ST6GALNAC5: variants seen among roughly 807,000 people sequenced by gnomAD.
ST6GALNAC5 encodes alpha-N-acetylgalactosaminide alpha-2,6-sialyltransferase 5.
A neutral mutation model predicts 33.6 loss-of-function variants in ST6GALNAC5; 27 were observed. The observed-to-expected ratio is 0.80, with a 90% confidence interval of 0.59 to 1.11. ST6GALNAC5 has a LOEUF of 1.11. Among genes scored for constraint, ST6GALNAC5 ranks in the 50% least tolerant of loss-of-function variants. The pLI is 0.00. For missense variants in ST6GALNAC5, 428 were observed against 454.0 expected (o/e 0.94, Z 0.52); for synonymous variants, 194 against 171.2 (o/e 1.13, Z -1.04).
At chr1:76,948,966 T>C (rs141023364) in intron 2 of ST6GALNAC5, among the ~76,000 whole-genome samples, 1 of 152,146 alleles carries the variant, frequency 6.6e-6, no homozygotes, top group Non-Finnish European at 1.5e-5. Context: ...GTGCCAAGTC[T>C]TGTACTAACT....
At chr1:76,942,633 G>A (rs570429501) in intron 2 of ST6GALNAC5, among the ~76,000 whole-genome samples, 1 of 152,200 alleles carries the variant, frequency 6.6e-6, no homozygotes, top group South Asian at 2.1e-4. Flanking sequence ...GGCTGACTCT[G>A]GAGTTGGTGT....
intron 2 of ST6GALNAC5, among the ~76,000 whole-genome samples, chr1:76,922,538 T>C (rs1557724099): frequency 6.6e-6 from 1 of 152,176 alleles, no homozygotes; most frequent in African/African-American, 2.4e-5. Context: ...CAAGAATGCC[T>C]GAAATGATCT....
intron 2 of ST6GALNAC5, among the ~76,000 whole-genome samples, chr1:76,942,061 C>T (rs2100325904): frequency 6.6e-6 from 1 of 152,168 alleles, no homozygotes; most frequent in Non-Finnish European, 1.5e-5. Context: ...GACATGAAAT[C>T]ACTAGGCGGA....
At chr1:76,918,248 A>G (rs1570671574) in intron 2 of ST6GALNAC5, among the ~76,000 whole-genome samples, 1 of 152,140 alleles carries the variant, frequency 6.6e-6, no homozygotes, top group East Asian at 1.9e-4. Context: ...TCAGGAAAAG[A>G]AGAGATCTCT....
chr1:76,900,252 A>G (rs1015494748), intron 2 of ST6GALNAC5, among the ~76,000 whole-genome samples: 4 of 152,142 alleles, frequency 2.6e-5, no homozygotes, highest in Admixed American at 2.6e-4. Flanking sequence ...CAATGTCATC[A>G]GTTAAGGCAG....
chr1:76,976,455 A>AT (rs1557744608), intron 2 of ST6GALNAC5, among the ~76,000 whole-genome samples: 1 of 152,036 alleles, frequency 6.6e-6, no homozygotes, highest in African/African-American at 2.4e-5. Flanking sequence ...GATTTCCATT[A>AT]TTTGTCTTGG....
intron 4 of ST6GALNAC5, among the ~76,000 whole-genome samples, chr1:77,056,756 G>A (rs1652413465): frequency 6.6e-6 from 1 of 152,146 alleles, no homozygotes; most frequent in Non-Finnish European, 1.5e-5. Context: ...CCAGGGTGAG[G>A]GTGGGGCTTG....
intron 2 of ST6GALNAC5, among the ~76,000 whole-genome samples, chr1:76,992,642 A>G (rs1211725331): frequency 6.6e-6 from 1 of 152,138 alleles, no homozygotes; most frequent in African/African-American, 2.4e-5. Flanking sequence ...CTATAGGTGC[A>G]TGCCACCATG....
Position 76,986,202 on chromosome 1 carries a change from G to T in ST6GALNAC5, c.262-58002G>T, listed in dbSNP as rs1018266467. 3.9e-5 allele frequency among the ~76,000 whole-genome samples: 6 copies of T among 152,254 alleles called. No individual in the cohort carries two copies. The South Asian group carries it at 1.0e-3, about 26-fold the overall frequency. On this transcript the variant is annotated intron_variant, in intron 2 of 4. Coordinates refer to ENST00000477717, the MANE Select transcript of ST6GALNAC5 (RefSeq NM_030965.3). ...ACTAAAGAGCTTCCGCACAGCAAAA[G>T]AAACTATCATCAGAGTGAGCAGACA... is the stretch of plus-strand genomic sequence containing the variant.
At chr1:76,997,265 T>C (rs529527299) in intron 2 of ST6GALNAC5, among the ~76,000 whole-genome samples, 1 of 152,286 alleles carries the variant, frequency 6.6e-6, no homozygotes, top group African/African-American at 2.4e-5. Context: ...GTTTGTACAG[T>C]TTCGTAGTTA....
chr1:76,879,346 A>T (rs1271320383), intron 2 of ST6GALNAC5, among the ~76,000 whole-genome samples: 1 of 152,202 alleles, frequency 6.6e-6, no homozygotes, highest in Non-Finnish European at 1.5e-5. Flanking sequence ...GAGCTGCAGT[A>T]TTAAAAGCAG....
Position 76,911,185 on chromosome 1 carries a change from C to T in ST6GALNAC5, c.261+42443C>T, listed in dbSNP as rs1646907968. On this transcript the variant is annotated intron_variant, in intron 2 of 4. Coordinates refer to ENST00000477717, the MANE Select transcript of ST6GALNAC5 (RefSeq NM_030965.3). The stretch of plus-strand genomic sequence containing the variant: ...TGAATTTTGTCAAAGGCCTTTTCTG[C>T]ATCTATTGAGATAATCATGTGGTTT... Among the ~76,000 whole-genome samples the T allele has an allele frequency of 3.3e-5, 5 of 152,232 alleles. No homozygotes were observed. The South Asian group carries it at 1.0e-3, about 32-fold the overall frequency.
intron 2 of ST6GALNAC5, among the ~76,000 whole-genome samples, chr1:76,984,751 A>G (rs1162640736): frequency 6.6e-6 from 1 of 152,242 alleles, no homozygotes; most frequent in African/African-American, 2.4e-5. Flanking sequence ...ATGAACATCA[A>G]TGCAAATATC....
intron 2 of ST6GALNAC5, among the ~76,000 whole-genome samples, chr1:76,983,216 C>A (rs1414825700): frequency 6.6e-6 from 1 of 152,054 alleles, no homozygotes; most frequent in Non-Finnish European, 1.5e-5. Context: ...CACAGACTGG[C>A]AAATTGGATA....
At chr1:76,948,970 A>T (rs1647634211) in intron 2 of ST6GALNAC5, among the ~76,000 whole-genome samples, 1 of 152,130 alleles carries the variant, frequency 6.6e-6, no homozygotes, top group Non-Finnish European at 1.5e-5. Flanking sequence ...CAAGTCTTGT[A>T]CTAACTCCAT....
chr1:77,032,614 A>G (rs1473459243), intron 2 of ST6GALNAC5, among the ~76,000 whole-genome samples: 1 of 152,144 alleles, frequency 6.6e-6, no homozygotes, highest in Non-Finnish European at 1.5e-5. Context: ...TACCATAGTC[A>G]TTCTATAGAT....
chr1:77,007,887 C>G (rs900952592), intron 2 of ST6GALNAC5, among the ~76,000 whole-genome samples: 16 of 152,234 alleles, frequency 1.1e-4, no homozygotes, highest in African/African-American at 3.9e-4. Flanking sequence ...CTTTTGGCCC[C>G]ATAGCTACCT....
At chr1:76,970,962 A>G (rs1052991940) in intron 2 of ST6GALNAC5, among the ~76,000 whole-genome samples, 16 of 152,008 alleles carry the variant, frequency 1.1e-4, no homozygotes, top group Admixed American at 6.6e-5. Context: ...TTTTTTTTCC[A>G]AAACCACTTT....
chr1:76,998,652 A>AT (rs1650030576), intron 2 of ST6GALNAC5, among the ~76,000 whole-genome samples: 1 of 152,124 alleles, frequency 6.6e-6, no homozygotes, highest in African/African-American at 2.4e-5. Flanking sequence ...TAGAACTTAC[A>AT]TTTTTTTAAG....
Sources: gnomAD v4.1 joint callset for allele counts (sites outside exome capture counted in the v4.1 genomes callset) on GRCh38, gnomAD v4.1.1 for gene constraint, MANE v1.5 for transcripts, NCBI Gene and HGNC (gene_info 2026-07-23, HGNC 2026-07-21) for gene names.